The following PPFIA2 variants were observed in gnomAD, a reference collection of about 807,000 sequenced individuals.
PPFIA2 encodes the protein PPFI scaffold protein A2.
Under a neutral mutation model 175.5 loss-of-function variants are expected in PPFIA2, and 46 were observed. That is an observed-to-expected ratio of 0.26 (90% CI 0.21 to 0.34). The LOEUF (loss-of-function observed/expected upper bound fraction) is 0.34, where lower values mean the gene tolerates loss of function less well. Ranked by LOEUF, PPFIA2 falls within the 10% of genes least tolerant of loss-of-function variation. The pLI, the probability that PPFIA2 is intolerant of heterozygous loss-of-function variation, is 1.00. For synonymous variants in PPFIA2, 568 were observed against 511.4 expected, an observed-to-expected ratio of 1.11 and a Z score of -1.49; for missense variants, 1,179 against 1,506.1, an observed-to-expected ratio of 0.78 and a Z score of 3.60.
At chr12:81,725,744 C>A (rs79597894) in intron 3 of PPFIA2, among the ~76,000 whole-genome samples, 3 of 149,970 alleles carry the variant, frequency 2.0e-5, no homozygotes, top group Admixed American at 1.3e-4. Flanking sequence ...CACAGACAAC[C>A]CTTTGAATAA....
At chr12:81,361,881 G>T (rs2030618481) in intron 15 of PPFIA2, among the ~76,000 whole-genome samples, 1 of 151,460 alleles carries the variant, frequency 6.6e-6, no homozygotes. Flanking sequence ...GTAAATAAGT[G>T]ACTAAATGAG....
chr12:81,651,205 A>G (rs2066967566), intron 4 of PPFIA2, among the ~76,000 whole-genome samples: 1 of 152,174 alleles, frequency 6.6e-6, no homozygotes, highest in African/African-American at 2.4e-5. Flanking sequence ...AAGCAGAGAA[A>G]AGTGAGTTAA....
At chr12:81,275,874 T>C (rs993514509) in intron 28 of PPFIA2, among the ~76,000 whole-genome samples, 1 of 151,346 alleles carries the variant, frequency 6.6e-6, no homozygotes, top group Non-Finnish European at 1.5e-5. Flanking sequence ...AAGCTCTGCC[T>C]CCAGGGTTCA....
At chr12:81,732,538 C>T (rs980594291) in intron 3 of PPFIA2, among the ~76,000 whole-genome samples, 4 of 143,552 alleles carry the variant, frequency 2.8e-5, no homozygotes, top group African/African-American at 1.0e-4. Flanking sequence ...AACACTCACA[C>T]ACACAACAGG....
chr12:81,693,703 G>A (rs530381495), intron 3 of PPFIA2, among the ~76,000 whole-genome samples: 1 of 152,210 alleles, frequency 6.6e-6, no homozygotes, highest in African/African-American at 2.4e-5. Flanking sequence ...GAGTTTGGAG[G>A]GCTCAGAAGA....
At chr12:81,725,490 G>A (rs1044961687) in intron 3 of PPFIA2, among the ~76,000 whole-genome samples, 5 of 150,490 alleles carry the variant, frequency 3.3e-5, no homozygotes, top group East Asian at 2.0e-4. Flanking sequence ...CTGCCTATCC[G>A]AACCTATTAG....
In PPFIA2 at chr12:81,590,264, G is replaced by A. The variant is rs549945408; in HGVS notation, c.303+86527C>T. Among the ~76,000 whole-genome samples the A allele has an allele frequency of 3.2e-4, 48 of 151,968 alleles. 3 individuals are homozygous for A. The South Asian group carries it at 9.5e-3, about 30-fold the overall frequency. On this transcript the variant is annotated intron_variant, in intron 4 of 32. Transcript: ENST00000549396. The stretch of plus-strand genomic sequence containing the variant: ...AGCATTCTGAGAGGTATTTCCAGAT[G>A]GATTTAAAATTTATCTACCATAAGA...
chr12:81,558,731 T>C (rs1448518958), intron 4 of PPFIA2, among the ~76,000 whole-genome samples: 1 of 152,174 alleles, frequency 6.6e-6, no homozygotes, highest in Non-Finnish European at 1.5e-5. Context: ...GATCCTGTAA[T>C]GGCAGGTGTG....
chr12:81,642,734 T>TATAATATATACATAC (rs1187757850), intron 4 of PPFIA2, among the ~76,000 whole-genome samples: 1 of 8,972 alleles, frequency 1.1e-4, no homozygotes, highest in African/African-American at 3.4e-4. Context: ...CATACATGTA[T>TATAATATATACATAC]ATGTATGTAT....
chr12:81,586,602 G>A (rs528116650), intron 4 of PPFIA2, among the ~76,000 whole-genome samples: 29 of 151,728 alleles, frequency 1.9e-4, no homozygotes, highest in African/African-American at 6.8e-4. Flanking sequence ...ACTTCAAAAT[G>A]AATTATATAA....
chr12:81,476,654 T>C (rs1269968263), intron 4 of PPFIA2, among the ~76,000 whole-genome samples: 1 of 152,150 alleles, frequency 6.6e-6, no homozygotes, highest in Non-Finnish European at 1.5e-5. Flanking sequence ...AGTGTGGCAA[T>C]TCCTCAAAGA....
chr12:81,388,769 A>G (rs183261855), intron 8 of PPFIA2, among the ~76,000 whole-genome samples: 88 of 152,194 alleles, frequency 5.8e-4, no homozygotes, highest in African/African-American at 2.1e-3. Context: ...TTTTGGAGAA[A>G]CTGAGACTCA....
chr12:81,267,370 C>A, intron 29 of PPFIA2: 1 of 369,048 alleles, frequency 2.7e-6, no homozygotes, highest in Admixed American at 4.0e-5. Flanking sequence ...TTTATTGAAT[C>A]TATGTAGGTA....
intron 4 of PPFIA2, among the ~76,000 whole-genome samples, chr12:81,486,153 T>TCA (rs2058790645): frequency 1.3e-5 from 2 of 151,914 alleles, no homozygotes; most frequent in Non-Finnish European, 2.9e-5. Context: ...ACTTAATATG[T>TCA]ATCAGCTTAT....
chr12:81,353,717 T>C (rs1157352230), intron 16 of PPFIA2, among the ~76,000 whole-genome samples: 1 of 152,224 alleles, frequency 6.6e-6, no homozygotes, highest in Non-Finnish European at 1.5e-5. Flanking sequence ...TTAGTCTTCC[T>C]ATATTTTCTT....
chr12:81,684,884 C>A (rs7306126), intron 3 of PPFIA2, among the ~76,000 whole-genome samples: 48,534 of 151,856 alleles, frequency 0.32, 8,696 homozygotes, highest in Middle Eastern at 0.49. Flanking sequence ...AGGAAAAATG[C>A]AAAATTATTT....
intron 30 of PPFIA2, 63 bp downstream of exon 30, chr12:81,266,889 A>AAAGATGTTCTATCATTTTTCTTTTACTCT: frequency 8.4e-7 from 1 of 1,184,714 alleles, no homozygotes; most frequent in Middle Eastern, 1.9e-4. Context: ...CCTTAAAAAC[A>AAAGATGTTCTATCATTTTTCTTTTACTCT]AAGATGTTCT....
chr12:81,280,929 T>C (rs1274039634), intron 27 of PPFIA2, among the ~76,000 whole-genome samples: 2 of 152,072 alleles, frequency 1.3e-5, no homozygotes, highest in African/African-American at 2.4e-5. Flanking sequence ...CTTCCTAATT[T>C]TCTAATATAA....
chr12:81,576,533 G>T (rs1315386742), intron 4 of PPFIA2, among the ~76,000 whole-genome samples: 1 of 151,576 alleles, frequency 6.6e-6, no homozygotes, highest in Non-Finnish European at 1.5e-5. Context: ...GTTTTTCTGG[G>T]TCTCATGCAT....
Sources: gnomAD v4.1 joint callset for allele counts (sites outside exome capture counted in the v4.1 genomes callset) on GRCh38, gnomAD v4.1.1 for gene constraint, MANE v1.5 for transcripts, NCBI Gene and HGNC (gene_info 2026-07-23, HGNC 2026-07-21) for gene names.